Variants in PLXDC2 observed in about 807,000 individuals in gnomAD.
PLXDC2 encodes the protein plexin domain-containing protein 2.
PLXDC2 carries 40 observed loss-of-function variants against 68.9 expected under a neutral mutation model. That is an observed-to-expected ratio of 0.58 (90% CI 0.45 to 0.76). The LOEUF (loss-of-function observed/expected upper bound fraction) is 0.76, where lower values mean the gene tolerates loss of function less well. Ranked by LOEUF, PLXDC2 falls within the 30% of genes least tolerant of loss-of-function variation. The pLI, the probability that PLXDC2 is intolerant of heterozygous loss-of-function variation, is 0.00. For synonymous variants in PLXDC2, 243 were observed against 234.2 expected (o/e 1.04, Z -0.34); for missense variants, 644 against 661.9 (o/e 0.97, Z 0.30).
chr10:20,030,958 A>G (rs971163839), intron 2 of PLXDC2, among the ~76,000 whole-genome samples: 3 of 152,180 alleles, frequency 2.0e-5, no homozygotes, highest in Non-Finnish European at 4.4e-5. Flanking sequence ...CTTAGAAATG[A>G]GACAGCAAAT....
At chr10:20,090,179 T>C (rs1200114250) in intron 4 of PLXDC2, among the ~76,000 whole-genome samples, 1 of 152,246 alleles carries the variant, frequency 6.6e-6, no homozygotes, top group Admixed American at 6.5e-5. Context: ...TCTTATGCCA[T>C]GGAAGATGAC....
intron 2 of PLXDC2, among the ~76,000 whole-genome samples, chr10:20,008,865 A>G (rs530377462): frequency 1.4e-4 from 21 of 152,332 alleles, no homozygotes; most frequent in Non-Finnish European, 8.8e-5. Flanking sequence ...GCCTGTCGCC[A>G]TGCAAGACAT....
intron 1 of PLXDC2, among the ~76,000 whole-genome samples, chr10:19,867,807 A>T (rs1244065303): frequency 6.6e-6 from 1 of 152,180 alleles, no homozygotes; most frequent in East Asian, 1.9e-4. Flanking sequence ...GTAAAGTTTC[A>T]TCCTTGGAAA....
At chr10:20,183,937 C>T (rs1834643031) in intron 9 of PLXDC2, among the ~76,000 whole-genome samples, 1 of 151,876 alleles carries the variant, frequency 6.6e-6, no homozygotes, top group Non-Finnish European at 1.5e-5. Flanking sequence ...AATTTTCCAC[C>T]TCATATTTTC....
At chr10:19,857,311 C>G (rs572925682) in intron 1 of PLXDC2, among the ~76,000 whole-genome samples, 5 of 152,242 alleles carry the variant, frequency 3.3e-5, no homozygotes, top group Admixed American at 6.5e-5. Flanking sequence ...GAACTAAATC[C>G]TCTCTCGCTG....
chr10:20,270,013 A>T (rs1049767314), intron 13 of PLXDC2, among the ~76,000 whole-genome samples: 2 of 130,064 alleles, frequency 1.5e-5, no homozygotes, highest in African/African-American at 5.9e-5. Context: ...GACAGGCTCC[A>T]TCAAAAAATA....
intron 4 of PLXDC2, among the ~76,000 whole-genome samples, chr10:20,101,548 T>C (rs1161957372): frequency 6.6e-6 from 1 of 152,184 alleles, no homozygotes; most frequent in African/African-American, 2.4e-5. Flanking sequence ...TACTAAAAAA[T>C]GTCTTTGATT....
intron 6 of PLXDC2, among the ~76,000 whole-genome samples, chr10:20,149,026 T>G (rs1331680355): frequency 6.6e-6 from 1 of 152,078 alleles, no homozygotes; most frequent in Non-Finnish European, 1.5e-5. Context: ...AGGTTATAAT[T>G]ATAGACTATG....
intron 4 of PLXDC2, among the ~76,000 whole-genome samples, chr10:20,138,370 G>T (rs1207416272): frequency 6.6e-6 from 1 of 152,106 alleles, no homozygotes; most frequent in Non-Finnish European, 1.5e-5. Context: ...CCTTAGAAAT[G>T]ACCTCAAGAG....
At chr10:19,959,722 C>T (rs1834125704) in intron 1 of PLXDC2, among the ~76,000 whole-genome samples, 1 of 152,106 alleles carries the variant, frequency 6.6e-6, no homozygotes, top group African/African-American at 2.4e-5. Context: ...CTGGGAGTGC[C>T]AGATGTATTT....
chr10:20,179,859 C>T (rs912380727), intron 9 of PLXDC2, among the ~76,000 whole-genome samples: 1 of 152,084 alleles, frequency 6.6e-6, no homozygotes. Flanking sequence ...GCTACGTGTG[C>T]AGGGTCTCAT....
intron 1 of PLXDC2, among the ~76,000 whole-genome samples, chr10:19,842,489 A>T (rs547209002): frequency 1.3e-5 from 2 of 152,268 alleles, no homozygotes; most frequent in Admixed American, 6.5e-5. Flanking sequence ...GCAGCTCCCA[A>T]TGTCCTTGCT....
intron 10 of PLXDC2, among the ~76,000 whole-genome samples, chr10:20,212,267 A>T (rs1835079385): frequency 6.6e-6 from 1 of 152,090 alleles, no homozygotes. Flanking sequence ...GGTATTGTGG[A>T]GGGTGGAAGA....
intron 4 of PLXDC2, chr10:20,091,825 G>C (rs977635551): frequency 1.2e-4 from 18 of 152,296 alleles, no homozygotes; most frequent in Non-Finnish European, 8.8e-5. Context: ...CCATATTACC[G>C]GACTACTCTC....
At chr10:20,150,051 C>T (rs1834132633) in intron 6 of PLXDC2, among the ~76,000 whole-genome samples, 1 of 152,136 alleles carries the variant, frequency 6.6e-6, no homozygotes, top group Non-Finnish European at 1.5e-5. Flanking sequence ...ACATACCCCA[C>T]CAGAATGGTA....
intron 13 of PLXDC2, among the ~76,000 whole-genome samples, chr10:20,266,471 A>G (rs1252495129): frequency 6.6e-6 from 1 of 152,138 alleles, no homozygotes; most frequent in African/African-American, 2.4e-5. Flanking sequence ...CATTTTTAAA[A>G]TCTAAATAAT....
At chr10:20,043,369 A>C (rs950581978) in intron 2 of PLXDC2, 1 of 152,196 alleles carries the variant, frequency 6.6e-6, no homozygotes, top group African/African-American at 2.4e-5. Context: ...TTCACATAGT[A>C]TGTCAGTGGT....
chr10:20,115,373 C>T (rs1833608626), intron 4 of PLXDC2, among the ~76,000 whole-genome samples: 1 of 152,228 alleles, frequency 6.6e-6, no homozygotes, highest in East Asian at 1.9e-4. Flanking sequence ...AAATAAGTAG[C>T]CACACACTGG....
At chr10:20,021,114 T>A (rs1214159085) in intron 2 of PLXDC2, among the ~76,000 whole-genome samples, 3 of 152,198 alleles carry the variant, frequency 2.0e-5, no homozygotes, top group African/African-American at 7.2e-5. Context: ...TAAAACACAT[T>A]TTATATCCAC....
Sources: gnomAD v4.1 joint callset for allele counts (sites outside exome capture counted in the v4.1 genomes callset) on GRCh38, gnomAD v4.1.1 for gene constraint, MANE v1.5 for transcripts, NCBI Gene and HGNC (gene_info 2026-07-23, HGNC 2026-07-21) for gene names.